Variants in DAPP1 observed in about 807,000 individuals in gnomAD.
DAPP1 encodes the protein dual adaptor of phosphotyrosine and 3-phosphoinositides 1, also known as dual adapter for phosphotyrosine and 3-phosphotyrosine and 3-phosphoinositide.
Under a neutral mutation model 41.5 loss-of-function variants are expected in DAPP1, and 20 were observed. The ratio of observed to expected loss-of-function variants is 0.48; its 90% CI spans 0.34 to 0.70. The LOEUF (loss-of-function observed/expected upper bound fraction) is 0.70, where lower values mean the gene tolerates loss of function less well. DAPP1 is among the 30% of genes least tolerant of loss of function. The pLI, the probability that DAPP1 is intolerant of heterozygous loss-of-function variation, is 0.01. For missense variants in DAPP1, 233 were observed against 333.4 expected (o/e 0.70, Z 2.35); for synonymous variants, 113 against 116.2 (o/e 0.97, Z 0.18).
intron 1 of DAPP1, 29 bp from the exon 2 acceptor site, chr4:99,835,594 G>T: frequency 1.2e-6 from 2 of 1,608,952 alleles, no homozygotes; most frequent in South Asian, 2.2e-5. Flanking sequence ...GGTTTGGCCT[G>T]AGTGAAAGCG....
In DAPP1 at chr4:99,847,019, A is replaced by C. The variant is rs554186955; in HGVS notation, c.359-6199A>C. 4.6e-5 allele frequency among the ~76,000 whole-genome samples: 7 copies of C among 152,310 alleles called. No individual in the cohort carries two copies. In the Middle Eastern group the frequency reaches 0.01, roughly 222 times the overall value. On this transcript the variant is annotated intron_variant, in intron 3 of 8. Transcript: ENST00000512369. The stretch of plus-strand genomic sequence containing the variant: ...ACTCATTATGCCAGTTGCAGAGCTT[A>C]TTTTCTGAACCTGAGGGCAGTAATG...
chr4:99,868,288 C>A lies in DAPP1; in HGVS notation c.*103C>A. The A allele has an allele frequency of 2.8e-6, 3 of 1,068,822 alleles. No individual in the cohort carries two copies. Among genetic ancestry groups the A allele is most frequent in the Non-Finnish European group, 4.2e-6 (3 of 710,568 alleles). The allele number at this position is 1,068,822 out of a possible 1,614,324, so 66.2% of individuals were successfully genotyped here. ...CAAATGAAAACCGACTAAGGATTTTCTTTCAAAAACAAATCAGAAGCAGAT... is the reference window on the plus strand; with the variant it reads ...CAAATGAAAACCGACTAAGGATTTTATTTCAAAAACAAATCAGAAGCAGAT... On this transcript the variant is annotated 3_prime_UTR_variant, in exon 9 of 9. Coordinates refer to ENST00000512369, the MANE Select transcript of DAPP1 (RefSeq NM_014395.3).
intron 1 of DAPP1, among the ~76,000 whole-genome samples, chr4:99,827,106 A>G (rs1474538228): frequency 6.6e-6 from 1 of 152,154 alleles, no homozygotes; most frequent in African/African-American, 2.4e-5. Flanking sequence ...CTCAAACTCT[A>G]AAGTGCATAA....
At chr4:99,834,792 C>T (rs1478171422) in intron 1 of DAPP1, among the ~76,000 whole-genome samples, 1 of 152,158 alleles carries the variant, frequency 6.6e-6, no homozygotes, top group Non-Finnish European at 1.5e-5. Context: ...AATCGATTGC[C>T]TCACAGTTCT....
intron 2 of DAPP1, 133 bp from the exon 3 acceptor site, chr4:99,840,156 A>G: frequency 1.9e-6 from 1 of 532,512 alleles, no homozygotes; most frequent in South Asian, 3.8e-5. Context: ...TAAAACTGTC[A>G]GTGGTTTCAA....
chr4:99,867,687 A>G lies in DAPP1; in HGVS notation c.775-430A>G, dbSNP rs1466914810. ...TGTATCCACTAAAAAATGTTACAAT[A>G]ATGTTCATAGCATCTTTATTGATAA... On this transcript the variant is annotated intron_variant, in intron 8 of 8. Coordinates refer to ENST00000512369, the MANE Select transcript of DAPP1 (RefSeq NM_014395.3). 2.0e-5 allele frequency among the ~76,000 whole-genome samples: 3 copies of G among 152,348 alleles called. No individual in the cohort carries two copies. In the East Asian group the frequency reaches 5.8e-4, roughly 29 times the overall value.
chr4:99,849,820 T>G (rs1234178977), intron 3 of DAPP1, among the ~76,000 whole-genome samples: 1 of 152,108 alleles, frequency 6.6e-6, no homozygotes, highest in Non-Finnish European at 1.5e-5. Context: ...AGGGTCCTCA[T>G]AAGTAGTAGG....
chr4:99,822,648 G>C (rs1011455771), intron 1 of DAPP1, among the ~76,000 whole-genome samples: 5 of 152,182 alleles, frequency 3.3e-5, no homozygotes, highest in African/African-American at 4.8e-5. Flanking sequence ...CATCTGGTTT[G>C]TCAGCATTCT....
chr4:99,871,099 A>G (rs1724617900), downstream of DAPP1, among the ~76,000 whole-genome samples: 1 of 152,146 alleles, frequency 6.6e-6, no homozygotes, highest in African/African-American at 2.4e-5. Context: ...ATGGCATGCA[A>G]GAGAGTGGGT....
intron 2 of DAPP1, 46 bp from the exon 3 acceptor site, chr4:99,840,243 A>T (rs1232132004): frequency 7.6e-7 from 1 of 1,309,798 alleles, no homozygotes; most frequent in Admixed American, 2.5e-5. Flanking sequence ...CTTCAACAAG[A>T]TATTTATTTG....
intron 1 of DAPP1, among the ~76,000 whole-genome samples, chr4:99,832,503 G>A (rs1046479165): frequency 5.1e-4 from 78 of 152,198 alleles, no homozygotes; most frequent in African/African-American, 1.8e-3. Flanking sequence ...GAATGTAGGT[G>A]GCTGCCTGGA....
intron 1 of DAPP1, among the ~76,000 whole-genome samples, chr4:99,817,680 C>T (rs1043493678): frequency 2.6e-5 from 4 of 152,042 alleles, no homozygotes; most frequent in African/African-American, 9.7e-5. Flanking sequence ...AAGAAGGGAC[C>T]CAGATGACAA....
At chr4:99,836,244 G>T (rs973282747) in intron 2 of DAPP1, among the ~76,000 whole-genome samples, 2 of 152,126 alleles carry the variant, frequency 1.3e-5, no homozygotes, top group African/African-American at 4.8e-5. Context: ...CTCCCAAATG[G>T]TAAGAAAGTT....
chr4:99,817,787 A>G (rs1168249929), intron 1 of DAPP1, among the ~76,000 whole-genome samples: 1 of 152,244 alleles, frequency 6.6e-6, no homozygotes, highest in Non-Finnish European at 1.5e-5. Flanking sequence ...ATCCCAATGA[A>G]GGTGGCTTTG....
At chr4:99,836,562 T>C (rs1723305401) in intron 2 of DAPP1, among the ~76,000 whole-genome samples, 1 of 152,208 alleles carries the variant, frequency 6.6e-6, no homozygotes, top group African/African-American at 2.4e-5. Context: ...GTTACTGTTC[T>C]GATGGCACCT....
At chr4:99,871,406 ATT>A, downstream of DAPP1, among the ~76,000 whole-genome samples, 1 of 151,988 alleles carries the variant, frequency 6.6e-6, no homozygotes, top group East Asian at 1.9e-4. Flanking sequence ...AAAGGATCTT[ATT>A]TTCTTTTTTT....
At chr4:99,860,175 GGA>G (rs1422653525) in intron 4 of DAPP1, among the ~76,000 whole-genome samples, 2 of 152,144 alleles carry the variant, frequency 1.3e-5, no homozygotes, top group African/African-American at 4.8e-5. Context: ...TCTTACATCT[GGA>G]GACCCTGAAT....
intron 3 of DAPP1, among the ~76,000 whole-genome samples, chr4:99,852,070 T>A (rs939750396): frequency 6.6e-6 from 1 of 152,174 alleles, no homozygotes; most frequent in Admixed American, 6.5e-5. Flanking sequence ...GCCCTATTCA[T>A]TTTTTCCATA....
intron 2 of DAPP1, among the ~76,000 whole-genome samples, chr4:99,837,563 A>G (rs973989728): frequency 2.6e-5 from 4 of 152,208 alleles, no homozygotes; most frequent in Non-Finnish European, 5.9e-5. Context: ...GAGTGGCAAC[A>G]AGAATTGTGC....
Sources: gnomAD v4.1 joint callset for allele counts (sites outside exome capture counted in the v4.1 genomes callset) on GRCh38, gnomAD v4.1.1 for gene constraint, MANE v1.5 for transcripts, NCBI Gene and HGNC (gene_info 2026-07-23, HGNC 2026-07-21) for gene names.